FHIT: variants seen among roughly 807,000 people sequenced by gnomAD.
FHIT encodes bis(5'-adenosyl)-triphosphatase.
FHIT carries 19 observed loss-of-function variants against 17.9 expected under a neutral mutation model. The observed-to-expected ratio is 1.06, with a 90% CI of 0.74 to 1.56. The LOEUF (loss-of-function observed/expected upper bound fraction) is 1.56. Ranked by LOEUF, FHIT falls within the 40% of genes most tolerant of loss-of-function variation. The pLI is 0.00. For synonymous variants in FHIT, 81 were observed against 69.7 expected (o/e 1.16, Z -0.81); for missense variants, 248 against 189.2 (o/e 1.31, Z -1.82).
At chr3:60,258,851 T>C (rs73832562) in intron 5 of FHIT, among the ~76,000 whole-genome samples, 11,822 of 152,124 alleles carry the variant, frequency 0.078, 1,506 homozygotes, top group African/African-American at 0.27. Context: ...AAGGCCTGTT[T>C]GCTAAATCTT....
At chr3:60,798,971 T>C (rs1377961456) in intron 4 of FHIT, among the ~76,000 whole-genome samples, 1 of 151,956 alleles carries the variant, frequency 6.6e-6, no homozygotes, top group African/African-American at 2.4e-5. Flanking sequence ...CCTCCCAAAA[T>C]GTTGGGATTA....
chr3:60,541,944 C>T (rs1321318923), intron 4 of FHIT, among the ~76,000 whole-genome samples: 1 of 152,164 alleles, frequency 6.6e-6, no homozygotes, highest in Non-Finnish European at 1.5e-5. Flanking sequence ...TTTCACTTTT[C>T]CAATCATTTT....
At chr3:60,441,102 G>C (rs1003792657) in intron 5 of FHIT, among the ~76,000 whole-genome samples, 8 of 151,892 alleles carry the variant, frequency 5.3e-5, no homozygotes, top group African/African-American at 1.9e-4. Flanking sequence ...CCATAAGGTA[G>C]AACCAGGTGA....
chr3:59,858,964 G>T (rs1702293511), intron 8 of FHIT, among the ~76,000 whole-genome samples: 3 of 152,218 alleles, frequency 2.0e-5, no homozygotes, highest in Non-Finnish European at 1.5e-5. Flanking sequence ...TCCTAGCTCT[G>T]TGTTGACTGG....
chr3:60,794,238 T>C (rs1176675014), intron 4 of FHIT, among the ~76,000 whole-genome samples: 2 of 152,216 alleles, frequency 1.3e-5, no homozygotes, highest in Non-Finnish European at 2.9e-5. Flanking sequence ...ACTGTTCCAC[T>C]GTTCTACTCC....
chr3:59,879,655 G>A (rs550714882), intron 8 of FHIT, among the ~76,000 whole-genome samples: 61 of 152,130 alleles, frequency 4.0e-4, no homozygotes, highest in Non-Finnish European at 7.4e-4. Flanking sequence ...CATTACGTAG[G>A]GTCGAATAAA....
intron 5 of FHIT, among the ~76,000 whole-genome samples, chr3:60,307,742 T>C (rs1001629230): frequency 2.0e-5 from 3 of 152,128 alleles, no homozygotes; most frequent in African/African-American, 7.2e-5. Flanking sequence ...GTGTTGACCC[T>C]GGACAAACAC....
At chr3:60,180,683 G>C (rs1237487505) in intron 5 of FHIT, among the ~76,000 whole-genome samples, 1 of 152,104 alleles carries the variant, frequency 6.6e-6, no homozygotes. Flanking sequence ...AACGTATGGA[G>C]GTCTTCCTTT....
intron 2 of FHIT, among the ~76,000 whole-genome samples, chr3:61,160,452 G>A (rs1017295373): frequency 2.6e-5 from 4 of 152,160 alleles, no homozygotes; most frequent in East Asian, 1.9e-4. Flanking sequence ...TAGAAAGCTC[G>A]TTTTTTACAA....
intron 5 of FHIT, among the ~76,000 whole-genome samples, chr3:60,259,221 C>T (rs1576382197): frequency 6.6e-6 from 1 of 152,218 alleles, no homozygotes; most frequent in Non-Finnish European, 1.5e-5. Flanking sequence ...GAGACCTTTC[C>T]TATCACCCTT....
At chr3:60,716,402 A>G (rs1332421669) in intron 4 of FHIT, among the ~76,000 whole-genome samples, 2 of 151,954 alleles carry the variant, frequency 1.3e-5, no homozygotes, top group African/African-American at 4.8e-5. Context: ...ATTTTTTTAA[A>G]CTTTTTTTTG....
At chr3:60,659,049 G>GT (rs146709309) in intron 4 of FHIT, among the ~76,000 whole-genome samples, 21 of 150,568 alleles carry the variant, frequency 1.4e-4, no homozygotes, top group Non-Finnish European at 1.3e-4. Context: ...TTGGTTGGCA[G>GT]TTTTTTTTGT....
intron 5 of FHIT, among the ~76,000 whole-genome samples, chr3:60,165,161 G>A (rs1389525184): frequency 2.6e-5 from 4 of 152,148 alleles, no homozygotes; most frequent in Non-Finnish European, 4.4e-5. Context: ...TGAGCTCAGT[G>A]TTAGCAGAGA....
chr3:60,218,188 T>A (rs553805589), intron 5 of FHIT, among the ~76,000 whole-genome samples: 2 of 152,234 alleles, frequency 1.3e-5, no homozygotes, highest in Admixed American at 1.3e-4. Flanking sequence ...GATTCTGAGA[T>A]CGAAAAGTTT....
chr3:60,536,112 A>G (rs1229284250), intron 5 of FHIT: 1 of 152,186 alleles, frequency 6.6e-6, no homozygotes, highest in Non-Finnish European at 1.5e-5. Flanking sequence ...TCATATGCAC[A>G]CAATCAGGAG....
chr3:59,880,923 T>C (rs1658891366), intron 8 of FHIT, among the ~76,000 whole-genome samples: 1 of 152,176 alleles, frequency 6.6e-6, no homozygotes, highest in Admixed American at 6.5e-5. Context: ...TTTAAGCCTC[T>C]TTGAGCAATG....
At chr3:61,196,253 A>T (rs1480605593) in intron 2 of FHIT, among the ~76,000 whole-genome samples, 1 of 152,190 alleles carries the variant, frequency 6.6e-6, no homozygotes, top group Non-Finnish European at 1.5e-5. Context: ...TAGATGTTGC[A>T]GTTTTTAAAT....
chr3:60,573,972 G>T (rs565888450), intron 4 of FHIT, among the ~76,000 whole-genome samples: 3 of 151,958 alleles, frequency 2.0e-5, no homozygotes, highest in Non-Finnish European at 4.4e-5. Context: ...ACCACACCTG[G>T]ATAATTTTTG....
At chr3:60,449,641 T>C (rs557536382) in intron 5 of FHIT, among the ~76,000 whole-genome samples, 2 of 152,206 alleles carry the variant, frequency 1.3e-5, no homozygotes, top group South Asian at 2.1e-4. Context: ...TTGTACTGAA[T>C]ACTGTAGGTA....
Sources: allele counts gnomAD v4.1 joint callset (sites outside exome capture counted in the v4.1 genomes callset), GRCh38; gene constraint gnomAD v4.1.1; transcripts MANE v1.5; gene names NCBI Gene and HGNC (gene_info 2026-07-23, HGNC 2026-07-21).